C5: variants seen among roughly 807,000 people sequenced by gnomAD.
C5 encodes the protein C3 and PZP-like alpha-2-macroglobulin domain-containing protein 4.
Under a neutral mutation model 218.8 loss-of-function variants are expected in C5, and 140 were observed. The observed-to-expected ratio is 0.64, with a 90% confidence interval of 0.56 to 0.74. The LOEUF (loss-of-function observed/expected upper bound fraction) is 0.74, where lower values mean the gene tolerates loss of function less well. C5 is among the 30% of genes least tolerant of loss of function. The pLI is 0.00. For missense variants in C5, 1,700 were observed against 1,969.6 expected (o/e 0.86, Z 2.59); for synonymous variants, 614 against 682.3 (o/e 0.90, Z 1.56).
Position 121,024,167 on chromosome 9 carries a change from CT to C in C5, c.1001-649del, listed in dbSNP as rs541776170. Reference sequence around the variant, plus strand: ...CCCAGGAGGCGGAGGTTGCATTGAGCTGAGACTGTACCACTGCACTCCAGTC... The same window carrying C: ...CCCAGGAGGCGGAGGTTGCATTGAGCGAGACTGTACCACTGCACTCCAGTC... On this transcript the variant is annotated intron_variant, in intron 9 of 40. Transcript: ENST00000223642. Among the ~76,000 whole-genome samples, 151 of 130,052 alleles carry C rather than the reference CT, an allele frequency of 1.2e-3. 6 individuals are homozygous for C. In the East Asian group the frequency reaches 0.028, roughly 24 times the overall value. The allele number at this position is 130,052 out of a possible 152,430, so 85.3% of individuals were successfully genotyped here.
chr9:121,023,542 G>A (rs757530272), intron 9 of C5, 23 bp from the exon 10 acceptor site: 14 of 1,378,500 alleles, frequency 1.0e-5, no homozygotes, highest in Non-Finnish European at 1.3e-5. Context: ...CAAGCATCAT[G>A]TTGACAGTTT....
At chr9:121,042,673 C>T (rs2047591258) in intron 3 of C5, among the ~76,000 whole-genome samples, 1 of 152,140 alleles carries the variant, frequency 6.6e-6, no homozygotes, top group South Asian at 2.1e-4. Flanking sequence ...AATTCTACAG[C>T]AGTTGGTTTT....
At chr9:121,053,600 C>T (rs573484365), upstream of C5, among the ~76,000 whole-genome samples, 5 of 152,102 alleles carry the variant, frequency 3.3e-5, no homozygotes, top group South Asian at 2.1e-4. Context: ...CTACTTTTAC[C>T]GTAATGATAA....
chr9:120,957,218 T>C, intron 39 of C5, 67 bp downstream of exon 39: 1 of 1,060,216 alleles, frequency 9.4e-7, no homozygotes, highest in Non-Finnish European at 1.5e-6. Context: ...TTTAATATAA[T>C]GCCTGGCACA....
At chr9:121,009,307 G>A (rs1440510643) in intron 17 of C5, among the ~76,000 whole-genome samples, 4 of 152,236 alleles carry the variant, frequency 2.6e-5, no homozygotes, top group African/African-American at 9.6e-5. Flanking sequence ...AAGCAAGACT[G>A]TGATCTCTAA....
At chr9:121,004,786 T>C (rs2047202771) in intron 20 of C5, among the ~76,000 whole-genome samples, 1 of 151,976 alleles carries the variant, frequency 6.6e-6, no homozygotes, top group Non-Finnish European at 1.5e-5. Flanking sequence ...AAAAAAAGGC[T>C]TATTTGAGCA....
the C5 span, among the ~76,000 whole-genome samples, chr9:121,073,289 T>G: frequency 6.6e-6 from 1 of 152,188 alleles, no homozygotes; most frequent in African/African-American, 2.4e-5. Context: ...TTTCCCCCGC[T>G]TCCGGGGTTT....
chr9:121,037,854 T>C, intron 4 of C5, 27 bp downstream of exon 4: 1 of 1,003,878 alleles, frequency 1.0e-6, no homozygotes, highest in Non-Finnish European at 1.5e-6. Flanking sequence ...TGAATTAAAG[T>C]ATTATTTAAA....
intron 7 of C5, among the ~76,000 whole-genome samples, chr9:121,028,082 C>T (rs2047440730): frequency 6.6e-6 from 1 of 152,010 alleles, no homozygotes. Context: ...AGCTAACAGA[C>T]ACATGAAAAA....
chr9:120,958,188 A>G (rs2046800229), intron 38 of C5, among the ~76,000 whole-genome samples: 2 of 152,206 alleles, frequency 1.3e-5, no homozygotes, highest in Non-Finnish European at 2.9e-5. Flanking sequence ...GGGGCTATGT[A>G]AATTAGTGGC....
chr9:120,970,612 T>C (rs1417909843), intron 31 of C5, among the ~76,000 whole-genome samples: 1 of 152,248 alleles, frequency 6.6e-6, no homozygotes, highest in Non-Finnish European at 1.5e-5. Context: ...TGTGGGTTTC[T>C]TCCAGCCACA....
At chr9:121,021,400 T>C in intron 11 of C5, 109 bp downstream of exon 11, 1 of 826,034 alleles carries the variant, frequency 1.2e-6, no homozygotes, top group South Asian at 1.4e-5. Context: ...ATGGAACTGT[T>C]CACTGGACTC....
chr9:121,022,603 T>G (rs892859278), intron 10 of C5, among the ~76,000 whole-genome samples: 1 of 149,990 alleles, frequency 6.7e-6, no homozygotes, highest in Non-Finnish European at 1.5e-5. Context: ...TGATTGTACT[T>G]AAGTTGATTT....
At chr9:121,052,516 A>T (rs1000787757), upstream of C5, among the ~76,000 whole-genome samples, 1 of 151,910 alleles carries the variant, frequency 6.6e-6, no homozygotes, top group Non-Finnish European at 1.5e-5. Flanking sequence ...ACCTTTGGTA[A>T]GCCTTTCATT....
At chr9:120,953,910 T>A in intron 39 of C5, 42 bp from the exon 40 acceptor site, 1 of 1,607,686 alleles carries the variant, frequency 6.2e-7, no homozygotes, top group Non-Finnish European at 8.5e-7. Flanking sequence ...CCATTCATGT[T>A]TTAATGTCAC....
intron 39 of C5, among the ~76,000 whole-genome samples, chr9:120,956,553 A>G (rs2046786155): frequency 6.6e-6 from 1 of 152,234 alleles, no homozygotes; most frequent in Non-Finnish European, 1.5e-5. Flanking sequence ...ATTAGAAAAA[A>G]ACATTTTAAT....
intron 39 of C5, among the ~76,000 whole-genome samples, chr9:120,956,218 T>C (rs1230401388): frequency 6.6e-6 from 1 of 151,984 alleles, no homozygotes; most frequent in East Asian, 1.9e-4. Flanking sequence ...CACTTGAACC[T>C]GGGAAACAGA....
chr9:121,069,683 T>C, the C5 span, among the ~76,000 whole-genome samples: 7 of 151,886 alleles, frequency 4.6e-5, no homozygotes, highest in Admixed American at 1.3e-4. Context: ...CAGCTAATGG[T>C]TTTGATTTTT....
chr9:121,021,581 T>C lies in C5; in HGVS notation c.1230A>G (p.Val410=). 1 of 1,613,870 alleles carries C rather than the reference T, an allele frequency of 6.2e-7. No individual in the cohort carries two copies. Among genetic ancestry groups the C allele is most frequent in the Non-Finnish European group, 8.5e-7 (1 of 1,179,788 alleles). Residue 410 remains valine, a synonymous_variant, in exon 11 of 41, where the codon GTA becomes GTG. Coordinates refer to ENST00000223642, the MANE Select transcript of C5 (RefSeq NM_001735.3). ...ETSDLDPSKS[V]TRVDDGVASF... is the part of the protein sequence containing the mutation. ...AAGCTACTCCATCATCAACACGTGTTACACTTTTGCTTGGATCCAAGTCAG... is the reference window on the plus strand; with the variant it reads ...AAGCTACTCCATCATCAACACGTGTCACACTTTTGCTTGGATCCAAGTCAG...
Sources: allele counts gnomAD v4.1 joint callset (sites outside exome capture counted in the v4.1 genomes callset), GRCh38; gene constraint gnomAD v4.1.1; transcripts MANE v1.5; gene names NCBI Gene and HGNC (gene_info 2026-07-23, HGNC 2026-07-21).